The following ZFHX3 variants were observed in gnomAD, a reference collection of about 807,000 sequenced individuals.
ZFHX3 encodes zinc finger homeobox 3.
ZFHX3 carries 42 observed loss-of-function variants against 279.1 expected under a neutral mutation model. The observed-to-expected ratio is 0.15, with a 90% CI of 0.12 to 0.19. The LOEUF (loss-of-function observed/expected upper bound fraction) is 0.19, where lower values mean the gene tolerates loss of function less well. ZFHX3 is among the 10% of genes least tolerant of loss of function. The probability of loss-of-function intolerance (pLI) is 1.00; values close to 1 mark genes in which losing one functional copy is unlikely to be tolerated. For synonymous variants in ZFHX3, 2,293 were observed against 1,957.8 expected (o/e 1.17, Z -4.52); for missense variants, 4,981 against 4,754.0 (o/e 1.05, Z -1.40).
chr16:73,267,480 T>C (rs1414888858), intron 4 of ZFHX3, among the ~76,000 whole-genome samples: 14 of 152,160 alleles, frequency 9.2e-5, no homozygotes, highest in Non-Finnish European at 2.1e-4. Context: ...GATCTGTATT[T>C]ATACAGCATC....
At chr16:72,873,385 A>G (rs1296523350) in intron 4 of ZFHX3, among the ~76,000 whole-genome samples, 1 of 152,246 alleles carries the variant, frequency 6.6e-6, no homozygotes, top group Non-Finnish European at 1.5e-5. Flanking sequence ...TAGAGGCCCC[A>G]GAATACAAAT....
chr16:73,277,778 GC>G (rs1479505306), intron 4 of ZFHX3, among the ~76,000 whole-genome samples: 1 of 152,106 alleles, frequency 6.6e-6, no homozygotes, highest in African/African-American at 2.4e-5. Context: ...GGTTTAGTTG[GC>G]TCACGGTTCT....
At position 73,843,577 on chromosome 16, in the gene ZFHX3, C is replaced by G. The variant is rs146357122; in HGVS notation, c.-1608+48074G>C. Among the ~76,000 whole-genome samples, 5 of 152,296 alleles carry G rather than the reference C, an allele frequency of 3.3e-5. No individual in the cohort carries two copies. The East Asian group carries it at 9.7e-4, about 29-fold the overall frequency. On this transcript the variant is annotated intron_variant, in intron 1 of 17. Coordinates refer to the ZFHX3 transcript ENST00000641206. ...CATATTCCATCAAATATGTTAAATGCATCAGACAAGGAATAGGAAATATTG... is the reference window on the plus strand; with the variant it reads ...CATATTCCATCAAATATGTTAAATGGATCAGACAAGGAATAGGAAATATTG...
intron 7 of ZFHX3, among the ~76,000 whole-genome samples, chr16:72,810,841 T>C (rs2036424005): frequency 6.6e-6 from 1 of 152,204 alleles, no homozygotes; most frequent in Non-Finnish European, 1.5e-5. Context: ...GAGCCTCAGT[T>C]TCCTTATCTG....
chr16:72,903,885 C>T (rs1267764499), intron 3 of ZFHX3, among the ~76,000 whole-genome samples: 1 of 152,198 alleles, frequency 6.6e-6, no homozygotes. Flanking sequence ...ACTCCTACTC[C>T]AAAGCTGTCC....
At chr16:73,875,977 C>T (rs541467928) in intron 1 of ZFHX3, among the ~76,000 whole-genome samples, 2 of 152,272 alleles carry the variant, frequency 1.3e-5, no homozygotes, top group East Asian at 1.9e-4. Flanking sequence ...TGGGCCTTTC[C>T]ATTCCTTCTT....
chr16:73,384,294 C>T (rs530074474), intron 3 of ZFHX3, among the ~76,000 whole-genome samples: 7 of 152,328 alleles, frequency 4.6e-5, no homozygotes, highest in African/African-American at 1.4e-4. Flanking sequence ...GTAGTTACAA[C>T]GAGATCATAT....
intron 2 of ZFHX3, among the ~76,000 whole-genome samples, chr16:73,501,614 C>G (rs1043896627): frequency 7.2e-5 from 11 of 152,184 alleles, no homozygotes; most frequent in Non-Finnish European, 1.2e-4. Context: ...AAGTCTCTTT[C>G]GAAGGATCCA....
chr16:73,558,709 CTTTTTTTT>C (rs989644068), intron 2 of ZFHX3, among the ~76,000 whole-genome samples: 1 of 90,478 alleles, frequency 1.1e-5, no homozygotes, highest in African/African-American at 4.5e-5. Context: ...GAAAATGACT[CTTTTTTTT>C]TTTTTTTTTT....
chr16:73,878,849 T>A lies in ZFHX3; in HGVS notation c.-1608+12802A>T, dbSNP rs555430857. Reference sequence around the variant, plus strand: ...TCTACTGGAAAAGTGAAGTTCAACGTCACTTGAAACAGCAGAGCTAGTTTA... The same window carrying A: ...TCTACTGGAAAAGTGAAGTTCAACGACACTTGAAACAGCAGAGCTAGTTTA... On this transcript the variant is annotated intron_variant, in intron 1 of 17. Transcript: ENST00000641206. 4.6e-5 allele frequency among the ~76,000 whole-genome samples: 7 copies of A among 151,740 alleles called. No homozygotes were observed. In the South Asian group the frequency reaches 1.2e-3, roughly 27 times the overall value.
chr16:73,735,886 A>G (rs200890987), intron 1 of ZFHX3, among the ~76,000 whole-genome samples: 1 of 39,224 alleles, frequency 2.5e-5, no homozygotes, highest in Non-Finnish European at 6.2e-5. Context: ...AGCACCAGCC[A>G]TTCCGTTTTT....
At chr16:73,213,482 C>T (rs1434604006) in intron 5 of ZFHX3, among the ~76,000 whole-genome samples, 2 of 152,154 alleles carry the variant, frequency 1.3e-5, no homozygotes, top group Non-Finnish European at 2.9e-5. Context: ...GAGGTAACTT[C>T]AATAGCATTT....
intron 1 of ZFHX3, among the ~76,000 whole-genome samples, chr16:73,846,349 G>C (rs1453701100): frequency 6.6e-6 from 1 of 152,104 alleles, no homozygotes; most frequent in Non-Finnish European, 1.5e-5. Context: ...CTAAGTTTTC[G>C]AGGGAAAACA....
At position 72,787,644 on chromosome 16, in the gene ZFHX3, C is replaced by A. The variant is rs200990996; in HGVS notation, c.10632G>T (p.Leu3544=). 1.9e-6 allele frequency: 3 copies of A among 1,610,568 alleles called. No individual in the cohort carries two copies. In the Admixed American group the frequency reaches 5.0e-5, roughly 27 times the overall value. ...CESALCGEEA[L]SQHLESALHK... is the part of the protein sequence containing the mutation. The stretch of plus-strand genomic sequence containing the variant: ...GCAAGGCCGACTCGAGATGTTGACT[C>A]AGAGCTTCCTCCCCACAGAGCGCGC... The change falls in exon 10 of 10, where the codon CTG becomes CTT. Residue 3544 remains leucine (L), a synonymous_variant. Coordinates refer to ENST00000268489, the MANE Select transcript of ZFHX3 (RefSeq NM_006885.4).
intron 1 of ZFHX3, among the ~76,000 whole-genome samples, chr16:73,863,526 T>A (rs1012411238): frequency 6.6e-6 from 1 of 152,172 alleles, no homozygotes; most frequent in African/African-American, 2.4e-5. Context: ...CAGTCTTCAG[T>A]CTCAGAAAAA....
intron 1 of ZFHX3, among the ~76,000 whole-genome samples, chr16:73,741,249 T>C (rs16972442): frequency 0.029 from 4,338 of 152,168 alleles, 196 homozygotes; most frequent in African/African-American, 0.096. Context: ...ATCTAGAAAG[T>C]GACTACATAT....
rs1186084941 is a variant in ZFHX3, at chr16:72,959,560, T to G, written c.586A>C (p.Asn196His). The change falls in exon 2 of 10, where the codon AAC becomes CAC. Residue 196 changes from asparagine (N) to histidine (H), a missense_variant. Physicochemically the swap from Asn to His is moderately conservative, Grantham distance 68. Around this residue, in one of 7 missense-constraint regions of ZFHX3, gnomAD observed 1,068 missense variants for 935.2 expected, o/e 1.14. Coordinates refer to ENST00000268489, the MANE Select transcript of ZFHX3 (RefSeq NM_006885.4). Reference protein sequence around the residue: ...CAAPVYPQIINTFHIASSFGK... With the variant: ...CAAPVYPQIIHTFHIASSFGK... Reference sequence around the variant, plus strand: ...AAGGATGAGGCTATGTGGAAAGTGTTGATGATCTGCGGGTACACGGGTGCA... The same window carrying G: ...AAGGATGAGGCTATGTGGAAAGTGTGGATGATCTGCGGGTACACGGGTGCA... 1 of 1,614,194 alleles carries G rather than the reference T, an allele frequency of 6.2e-7. No homozygotes were observed. Among genetic ancestry groups the G allele is most frequent in the South Asian group, 1.1e-5 (1 of 91,084 alleles).
At chr16:73,221,530 G>A (rs2012420324) in intron 5 of ZFHX3, among the ~76,000 whole-genome samples, 1 of 151,980 alleles carries the variant, frequency 6.6e-6, no homozygotes, top group South Asian at 2.1e-4. Flanking sequence ...GGTAATGGGT[G>A]CACCAAAATC....
chr16:72,933,771 C>T (rs958605539), intron 3 of ZFHX3, among the ~76,000 whole-genome samples: 3 of 150,410 alleles, frequency 2.0e-5, no homozygotes, highest in African/African-American at 4.9e-5. Flanking sequence ...AAGACCCAAA[C>T]TCCAGTGTGT....
Sources: gnomAD v4.1 joint callset for allele counts (sites outside exome capture counted in the v4.1 genomes callset) on GRCh38, gnomAD v4.1.1 for gene constraint, gnomAD v4.1.1 regional missense constraint, MANE v1.5 for transcripts, NCBI Gene and HGNC (gene_info 2026-07-23, HGNC 2026-07-21) for gene names.